DNAJC18: variants seen among roughly 807,000 people sequenced by gnomAD.
DNAJC18 encodes the protein dnaJ homolog subfamily C member 18.
A neutral mutation model predicts 48.6 loss-of-function variants in DNAJC18; 40 were observed. That is an observed-to-expected ratio of 0.82 (90% CI 0.64 to 1.07). The LOEUF is 1.07. Ranked by LOEUF, DNAJC18 falls within the 50% of genes least tolerant of loss-of-function variation. The pLI, the probability that DNAJC18 is intolerant of heterozygous loss-of-function variation, is 0.00. For synonymous variants in DNAJC18, 135 were observed against 152.2 expected (o/e 0.89, Z 0.83); for missense variants, 340 against 427.7 (o/e 0.79, Z 1.81).
At chr5:139,424,961 G>A (rs754302371) in intron 5 of DNAJC18, 44 bp downstream of exon 5, 2 of 1,553,808 alleles carry the variant, frequency 1.3e-6, no homozygotes, top group Non-Finnish European at 1.8e-6. Context: ...GGTTGGCCAA[G>A]TACAACTGTT....
chr5:139,422,179 T>G (rs1759165167), intron 6 of DNAJC18, among the ~76,000 whole-genome samples: 1 of 152,168 alleles, frequency 6.6e-6, no homozygotes, highest in Non-Finnish European at 1.5e-5. Flanking sequence ...GACCAAACTT[T>G]GGGAACTGAA....
Position 139,428,572 on chromosome 5 carries a change from C to T in DNAJC18, c.339G>A (p.Lys113=). ...CATCTGTTGCTCCAGGAGCACAGTT[C>T]TTGTCAGGGTGAAATTTCAGGGCGA... The part of the protein sequence containing the change: ...RKLALKFHPD[K]NCAPGATDAF... The change falls in exon 3 of 8, where the codon AAG becomes AAA. Residue 113 remains lysine, a synonymous_variant. Coordinates refer to ENST00000302060, the MANE Select transcript of DNAJC18 (RefSeq NM_152686.4). 2 of 1,614,046 alleles carry T rather than the reference C, an allele frequency of 1.2e-6. No homozygotes were observed. Among genetic ancestry groups the T allele is most frequent in the Non-Finnish European group, 1.7e-6 (2 of 1,179,996 alleles).
intron 7 of DNAJC18, among the ~76,000 whole-genome samples, chr5:139,416,812 G>A (rs1759075238): frequency 6.6e-6 from 1 of 152,208 alleles, no homozygotes; most frequent in Admixed American, 6.5e-5. Context: ...CACTTGCCCT[G>A]GCATCAGGCT....
chr5:139,425,198 C>T (rs1759217439), intron 4 of DNAJC18, 84 bp from the exon 5 acceptor site: 1 of 1,198,244 alleles, frequency 8.3e-7, no homozygotes, highest in Admixed American at 1.9e-5. Context: ...GAGTTTTGCT[C>T]TGTTACCCAG....
At position 139,439,289 on chromosome 5, in the gene DNAJC18, C is replaced by T. The variant is rs1750743484; in HGVS notation, c.40+117G>A. ...CCTACTCAGGCTCAGCATCTTTTCA[C>T]AGGCCTCTATCCATCACCTCAGACC... On this transcript the variant is annotated intron_variant, in intron 1 of 7. Coordinates refer to ENST00000302060, the MANE Select transcript of DNAJC18 (RefSeq NM_152686.4). The surrounding 1 kb of genome is among the most constrained non-coding windows in gnomAD (Gnocchi z 4.1). 6.6e-7 allele frequency: 1 copy of T among 1,513,078 alleles called. No homozygotes were observed. Among genetic ancestry groups the T allele is most frequent in the Non-Finnish European group, 9.1e-7 (1 of 1,100,864 alleles). 93.7% of individuals were successfully genotyped at this position (1,513,078 alleles called of 1,614,324 possible).
At chr5:139,424,331 G>A (rs1308511851) in intron 5 of DNAJC18, among the ~76,000 whole-genome samples, 3 of 152,166 alleles carry the variant, frequency 2.0e-5, no homozygotes, top group Non-Finnish European at 4.4e-5. Context: ...ATGAGGCCCA[G>A]CTGTGCTTCT....
At chr5:139,437,296 T>C in intron 2 of DNAJC18, 76 bp downstream of exon 2, 1 of 1,480,464 alleles carries the variant, frequency 6.8e-7, no homozygotes, top group Non-Finnish European at 9.0e-7. Context: ...CATCAGTCAA[T>C]ACTTACATAG....
chr5:139,419,699 C>T (rs930754083), intron 7 of DNAJC18, among the ~76,000 whole-genome samples: 1 of 151,968 alleles, frequency 6.6e-6, no homozygotes, highest in Non-Finnish European at 1.5e-5. Context: ...CACTGTAAAC[C>T]ATGGCAAACA....
chr5:139,428,089 G>A (rs1311413124), intron 3 of DNAJC18, among the ~76,000 whole-genome samples: 1 of 152,118 alleles, frequency 6.6e-6, no homozygotes, highest in African/African-American at 2.4e-5. Flanking sequence ...TCAGCCTGAA[G>A]AATATATTTC....
intron 2 of DNAJC18, among the ~76,000 whole-genome samples, chr5:139,435,718 T>TTTTTTTTTTTTTTTTTTTTTTG (rs1750633332): frequency 8.3e-6 from 1 of 120,866 alleles, no homozygotes. Context: ...TTTTTTTTTT[T>TTTTTTTTTTTTTTTTTTTTTTG]TTTTTTTTTT....
chr5:139,437,254 T>A, intron 2 of DNAJC18, 118 bp downstream of exon 2: 1 of 1,291,044 alleles, frequency 7.7e-7, no homozygotes, highest in South Asian at 1.6e-5. Context: ...AAGAAGCTAG[T>A]ATGCCTCAAT....
In DNAJC18 at chr5:139,439,019, T is replaced by A. The variant is rs1013591025; in HGVS notation, c.40+387A>T. Among the ~76,000 whole-genome samples the A allele has an allele frequency of 6.6e-6, 1 of 152,162 alleles. No individual in the cohort carries two copies. The highest frequency in any genetic ancestry group is 1.5e-5 in the Non-Finnish European group (1 of 68,032). On this transcript the variant is annotated intron_variant, in intron 1 of 7. Coordinates refer to ENST00000302060, the MANE Select transcript of DNAJC18 (RefSeq NM_152686.4). The surrounding 1 kb of genome is among the most constrained non-coding windows in gnomAD (Gnocchi z 4.1). ...GGTCCTGATGCCGGCTGGAGCGACATGATCAAACAGGGACTGAAGGTCAGG... is the reference window on the plus strand; with the variant it reads ...GGTCCTGATGCCGGCTGGAGCGACAAGATCAAACAGGGACTGAAGGTCAGG...
At chr5:139,429,366 G>T (rs1444634392) in intron 2 of DNAJC18, among the ~76,000 whole-genome samples, 1 of 152,070 alleles carries the variant, frequency 6.6e-6, no homozygotes, top group Admixed American at 6.6e-5. Flanking sequence ...ACAGGTGTGA[G>T]CCACCGTGCC....
chr5:139,436,251 A>AT (rs1008464007), intron 2 of DNAJC18, among the ~76,000 whole-genome samples: 125 of 144,504 alleles, frequency 8.7e-4, no homozygotes, highest in Admixed American at 2.2e-3. Flanking sequence ...ATGCCCAAGT[A>AT]TTTTTTTTTT....
At position 139,412,654 on chromosome 5, in the gene DNAJC18, A is replaced by G; in HGVS notation, c.*1494T>C. The G allele has an allele frequency of 2.5e-6, 1 of 398,668 alleles. No homozygotes were observed. The highest frequency in any genetic ancestry group is 2.1e-5 in the African/African-American group (1 of 48,742). 24.7% of individuals were successfully genotyped at this position (398,668 alleles called of 1,614,324 possible). On this transcript the variant is annotated 3_prime_UTR_variant, in exon 8 of 8. Transcript: ENST00000302060. The stretch of plus-strand genomic sequence containing the variant: ...ATCCTTCCAAGTTCAGAGTCATGAT[A>G]ATTCAGGCAGCTCAGCTCCACAGGA...
At chr5:139,420,321 A>G in intron 6 of DNAJC18, 96 bp from the exon 7 acceptor site, 1 of 1,214,174 alleles carries the variant, frequency 8.2e-7, no homozygotes, top group Non-Finnish European at 1.1e-6. Context: ...TCATCTGCTC[A>G]TAGAGCAGAG....
Position 139,436,667 on chromosome 5 carries a change from C to G in DNAJC18, c.227+705G>C, listed in dbSNP as rs60984025. ...TACAGGTTGGTGCCATCATACCAAG[C>G]TAATTTTTGTATATATATATTTTTT... is the stretch of plus-strand genomic sequence containing the variant. On this transcript the variant is annotated intron_variant, in intron 2 of 7. Coordinates refer to ENST00000302060, the MANE Select transcript of DNAJC18 (RefSeq NM_152686.4). 2.6e-5 allele frequency among the ~76,000 whole-genome samples: 4 copies of G among 151,700 alleles called. No individual in the cohort carries two copies. In the South Asian group the frequency reaches 8.4e-4, roughly 32 times the overall value.
In DNAJC18 at chr5:139,413,281, G is replaced by A. The variant is rs545450458; in HGVS notation, c.*867C>T. The A allele has an allele frequency of 4.9e-5, 8 of 163,876 alleles. No homozygotes were observed. Among genetic ancestry groups the A allele is most frequent in the Non-Finnish European group, 1.0e-4 (8 of 76,244 alleles). The allele number at this position is 163,876 out of a possible 1,614,324, so 10.2% of individuals were successfully genotyped here. A position where few individuals can be genotyped will look rare whatever the true frequency, so the allele number is the denominator to read the frequency against. ...ATCTCTAGGCTTGAGCAAACAGCCTGGAGAGCTGGCAATGCCTCCTCCTGG... is the reference window on the plus strand; with the variant it reads ...ATCTCTAGGCTTGAGCAAACAGCCTAGAGAGCTGGCAATGCCTCCTCCTGG... On this transcript the variant is annotated 3_prime_UTR_variant, in exon 8 of 8. Transcript: ENST00000302060.
chr5:139,413,447 T>G lies in DNAJC18; in HGVS notation c.*701A>C, dbSNP rs1759025497. ...GGAGGCTTCGTGGAGGAGATGAGGC[T>G]CGGTCTTGCATTATACCTTCGCCCT... On this transcript the variant is annotated 3_prime_UTR_variant, in exon 8 of 8. Coordinates refer to ENST00000302060, the MANE Select transcript of DNAJC18 (RefSeq NM_152686.4). 1 of 152,368 alleles carries G rather than the reference T, an allele frequency of 6.6e-6. No individual in the cohort carries two copies. Among genetic ancestry groups the G allele is most frequent in the Non-Finnish European group, 1.5e-5 (1 of 68,186 alleles). The allele number at this position is 152,368 out of a possible 1,614,324, so 9.4% of individuals were successfully genotyped here.
Sources: gnomAD v4.1 joint callset for allele counts (sites outside exome capture counted in the v4.1 genomes callset) on GRCh38, gnomAD v4.1.1 for gene constraint, Gnocchi (gnomAD v3.1) non-coding constraint, MANE v1.5 for transcripts, NCBI Gene and HGNC (gene_info 2026-07-23, HGNC 2026-07-21) for gene names.